The following ZFP1 variants were observed in gnomAD, a reference collection of about 807,000 sequenced individuals.
ZFP1 encodes the protein ZFP1 zinc finger protein.
A neutral mutation model predicts 38.5 loss-of-function variants in ZFP1; 32 were observed. That is an observed-to-expected ratio of 0.83 (90% confidence interval 0.63 to 1.12). The LOEUF (loss-of-function observed/expected upper bound fraction) is 1.12, where lower values mean the gene tolerates loss of function less well. Among genes scored for constraint, ZFP1 ranks in the 50% most tolerant of loss-of-function variants. ZFP1 has a pLI of 0.00. For missense variants in ZFP1, 616 were observed against 480.8 expected, an observed-to-expected ratio of 1.28 and a Z score of -2.63; for synonymous variants, 245 against 168.8, an observed-to-expected ratio of 1.45 and a Z score of -3.50.
chr16:75,163,366 G>A (rs1597070890), intron 2 of ZFP1, among the ~76,000 whole-genome samples: 2 of 151,644 alleles, frequency 1.3e-5, no homozygotes, highest in South Asian at 2.1e-4. Context: ...GTGTAGTAGT[G>A]TAGTGGCATG....
At position 75,171,377 on chromosome 16, in the gene ZFP1, A is replaced by C. The variant is rs962448508; in HGVS notation, c.*1043A>C. On this transcript the variant is annotated 3_prime_UTR_variant, in exon 4 of 4. Coordinates refer to ENST00000570010, the MANE Select transcript of ZFP1 (RefSeq NM_153688.4). Reference sequence around the variant, plus strand: ...ATTGCTTTTTAAATTTTTCACGTGCATAACCCCCTTTAGAAGTAAATTTTT... The same window carrying C: ...ATTGCTTTTTAAATTTTTCACGTGCCTAACCCCCTTTAGAAGTAAATTTTT... 3 of 152,354 alleles carry C rather than the reference A, an allele frequency of 2.0e-5. No individual in the cohort carries two copies. Among genetic ancestry groups the C allele is most frequent in the Non-Finnish European group, 4.4e-5 (3 of 68,032 alleles). The allele number at this position is 152,354 out of a possible 1,614,324, so 9.4% of individuals were successfully genotyped here.
intron 2 of ZFP1, among the ~76,000 whole-genome samples, chr16:75,166,167 C>CT (rs929012324): frequency 6.6e-6 from 1 of 152,114 alleles, no homozygotes; most frequent in African/African-American, 2.4e-5. Context: ...CCTATGTGAG[C>CT]TTTATTAGCA....
In ZFP1 at chr16:75,152,890, C is replaced by T. The variant is rs529986916; in HGVS notation, c.-43-19C>T. 7.5e-6 allele frequency: 12 copies of T among 1,607,926 alleles called. No individual in the cohort carries two copies. In the African/African-American group the frequency reaches 1.6e-4, roughly 22 times the overall value. ...GTCAGACCTTTAATAACAATGCCTT[C>T]CTTTTTCCTCTATTCCAGTTCTGCC... is the stretch of plus-strand genomic sequence containing the variant. On this transcript the variant is annotated intron_variant, in intron 1 of 3. Coordinates refer to ENST00000570010, the MANE Select transcript of ZFP1 (RefSeq NM_153688.4).
chr16:75,159,571 C>T (rs2037660965), intron 2 of ZFP1, among the ~76,000 whole-genome samples: 1 of 151,006 alleles, frequency 6.6e-6, no homozygotes, highest in African/African-American at 2.4e-5. Flanking sequence ...CTATGCCCGG[C>T]TAATTTTTGT....
At chr16:75,139,733 A>G in the ZFP1 span, among the ~76,000 whole-genome samples, 8 of 152,082 alleles carry the variant, frequency 5.3e-5, no homozygotes, top group South Asian at 4.1e-4. Flanking sequence ...GTTTATACTT[A>G]GAGTCATCAA....
intron 1 of ZFP1, among the ~76,000 whole-genome samples, chr16:75,150,956 G>GC (rs935607154): frequency 1.3e-5 from 2 of 151,978 alleles, no homozygotes; most frequent in Non-Finnish European, 2.9e-5. Flanking sequence ...GCAGGTGTGC[G>GC]CCCTAATCCT....
the ZFP1 span, among the ~76,000 whole-genome samples, chr16:75,127,554 CAA>C: frequency 6.6e-6 from 1 of 152,104 alleles, no homozygotes; most frequent in Non-Finnish European, 1.5e-5. Context: ...CTCCTGGCCT[CAA>C]GAGATCCGCT....
chr16:75,169,342 C>T lies in ZFP1; in HGVS notation c.232C>T (p.Pro78Ser). The T allele has an allele frequency of 6.2e-7, 1 of 1,614,114 alleles. No homozygotes were observed. Among genetic ancestry groups the T allele is most frequent in the Non-Finnish European group, 8.5e-7 (1 of 1,180,024 alleles). ...RQFLILKNQT[P>S]IEERGDLFGK... is the part of the protein sequence containing the mutation. ...ATTTTTAATTCTTAAGAACCAAACC[C>T]CAATTGAGGAAAGAGGCGATCTCTT... Residue 78 changes from proline (P) to serine (S), a missense_variant, in exon 4 of 4, where the codon CCA (proline) becomes TCA (serine). Coordinates refer to ENST00000570010, the MANE Select transcript of ZFP1 (RefSeq NM_153688.4).
At chr16:75,157,526 G>C (rs1007139209) in intron 2 of ZFP1, among the ~76,000 whole-genome samples, 4 of 152,086 alleles carry the variant, frequency 2.6e-5, no homozygotes, top group African/African-American at 9.7e-5. Context: ...TTACAGGTGA[G>C]AGCCACTGCA....
intron 2 of ZFP1, among the ~76,000 whole-genome samples, chr16:75,161,534 C>T (rs1227050764): frequency 6.6e-6 from 1 of 150,824 alleles, no homozygotes; most frequent in African/African-American, 2.4e-5. Flanking sequence ...TTATGGTTTG[C>T]CTGTCTGATA....
chr16:75,163,066 C>T (rs957921950), intron 2 of ZFP1, among the ~76,000 whole-genome samples: 14 of 151,438 alleles, frequency 9.2e-5, no homozygotes, highest in East Asian at 2.0e-4. Flanking sequence ...CCCACCACCA[C>T]GTCCGGCTAA....
At chr16:75,130,974 C>G in the ZFP1 span, among the ~76,000 whole-genome samples, 1 of 152,110 alleles carries the variant, frequency 6.6e-6, no homozygotes, top group Non-Finnish European at 1.5e-5. Context: ...AGATCTGGCA[C>G]CTTTTAGGGC....
intron 2 of ZFP1, among the ~76,000 whole-genome samples, chr16:75,154,167 T>G (rs997501403): frequency 6.6e-6 from 1 of 151,608 alleles, no homozygotes; most frequent in African/African-American, 2.4e-5. Context: ...GAGCTTGCAG[T>G]GAGCTGAGAT....
chr16:75,146,132 C>T (rs2036941157), upstream of ZFP1, among the ~76,000 whole-genome samples: 1 of 151,926 alleles, frequency 6.6e-6, no homozygotes, highest in South Asian at 2.1e-4. Context: ...CATTAACATA[C>T]TGTTACCACA....
chr16:75,121,781 A>T, the ZFP1 span, among the ~76,000 whole-genome samples: 2 of 152,174 alleles, frequency 1.3e-5, no homozygotes, highest in East Asian at 1.9e-4. Context: ...AGGAAAAAAG[A>T]CTCGTCAAAT....
intron 2 of ZFP1, among the ~76,000 whole-genome samples, chr16:75,155,930 G>C (rs1015600096): frequency 5.9e-5 from 9 of 152,116 alleles, no homozygotes; most frequent in Non-Finnish European, 1.5e-5. Flanking sequence ...AATTGGTGGA[G>C]GTTTTTTTTT....
the ZFP1 span, among the ~76,000 whole-genome samples, chr16:75,125,281 A>G: frequency 1.4e-3 from 215 of 152,174 alleles, no homozygotes; most frequent in African/African-American, 4.8e-3. Context: ...TTTTTAATTA[A>G]AATTATCACA....
At chr16:75,154,608 G>A (rs922513878) in intron 2 of ZFP1, among the ~76,000 whole-genome samples, 14 of 144,492 alleles carry the variant, frequency 9.7e-5, no homozygotes, top group Non-Finnish European at 1.5e-4. Flanking sequence ...TTTAAGGAGC[G>A]GAAAGTTTAA....
chr16:75,141,742 TA>T, the ZFP1 span, among the ~76,000 whole-genome samples: 49,029 of 144,134 alleles, frequency 0.34, 8,105 homozygotes, highest in Non-Finnish European at 0.36. Context: ...CAAATTAATT[TA>T]AAAAAAAAAA....
Sources: gnomAD v4.1 joint callset for allele counts (sites outside exome capture counted in the v4.1 genomes callset) on GRCh38, gnomAD v4.1.1 for gene constraint, MANE v1.5 for transcripts, NCBI Gene and HGNC (gene_info 2026-07-23, HGNC 2026-07-21) for gene names.